Variants in ST6GALNAC3 observed in about 807,000 individuals in gnomAD.
ST6GALNAC3 encodes ST6 N-acetylgalactosaminide alpha-2,6-sialyltransferase 3.
ST6GALNAC3 carries 25 observed loss-of-function variants against 32.7 expected under a neutral mutation model. The observed-to-expected ratio is 0.76, with a 90% CI of 0.56 to 1.07. The LOEUF (loss-of-function observed/expected upper bound fraction) is 1.07, where lower values mean the gene tolerates loss of function less well. ST6GALNAC3 is among the 50% of genes least tolerant of loss of function. The pLI, the probability that ST6GALNAC3 is intolerant of heterozygous loss-of-function variation, is 0.00. For missense variants in ST6GALNAC3, 355 were observed against 382.4 expected, an observed-to-expected ratio of 0.93 and a Z score of 0.60; for synonymous variants, 129 against 133.1, an observed-to-expected ratio of 0.97 and a Z score of 0.21.
At chr1:76,076,012 A>G (rs1646811517) in intron 1 of ST6GALNAC3, among the ~76,000 whole-genome samples, 1 of 152,198 alleles carries the variant, frequency 6.6e-6, no homozygotes, top group African/African-American at 2.4e-5. Context: ...ACCTCGTAGA[A>G]GTTGTTTCCC....
At chr1:76,233,325 G>A (rs1338460430) in intron 1 of ST6GALNAC3, among the ~76,000 whole-genome samples, 1 of 152,216 alleles carries the variant, frequency 6.6e-6, no homozygotes, top group Non-Finnish European at 1.5e-5. Flanking sequence ...TGAATGGGAT[G>A]TGGATTAGCA....
At chr1:76,410,192 C>T (rs1477936861) in intron 2 of ST6GALNAC3, among the ~76,000 whole-genome samples, 1 of 152,146 alleles carries the variant, frequency 6.6e-6, no homozygotes, top group Non-Finnish European at 1.5e-5. Context: ...TGATTTCTCC[C>T]CTGCTATCTG....
intron 1 of ST6GALNAC3, among the ~76,000 whole-genome samples, chr1:76,135,091 A>C (rs1401507068): frequency 6.6e-6 from 1 of 152,140 alleles, no homozygotes; most frequent in Admixed American, 6.5e-5. Flanking sequence ...GCAGTGAGCC[A>C]AGATCGCACC....
intron 2 of ST6GALNAC3, among the ~76,000 whole-genome samples, chr1:76,359,580 T>C (rs1463438231): frequency 6.6e-6 from 1 of 152,170 alleles, no homozygotes; most frequent in Non-Finnish European, 1.5e-5. Context: ...CACATTGATC[T>C]CAAACTATAG....
chr1:76,274,146 TAAA>T (rs888506004), intron 1 of ST6GALNAC3, among the ~76,000 whole-genome samples: 2 of 152,194 alleles, frequency 1.3e-5, no homozygotes, highest in Non-Finnish European at 2.9e-5. Flanking sequence ...CTCTCAATAA[TAAA>T]AACTTCTCAA....
At chr1:76,226,911 T>C (rs967895574) in intron 1 of ST6GALNAC3, among the ~76,000 whole-genome samples, 23 of 152,290 alleles carry the variant, frequency 1.5e-4, no homozygotes, top group South Asian at 2.1e-4. Context: ...CTTTATCAAC[T>C]GGATTCCCAA....
At chr1:76,247,734 C>T (rs1046586613) in intron 1 of ST6GALNAC3, among the ~76,000 whole-genome samples, 1 of 152,096 alleles carries the variant, frequency 6.6e-6, no homozygotes, top group Non-Finnish European at 1.5e-5. Flanking sequence ...GAATTTCAAG[C>T]CAATGGTTCT....
chr1:76,290,953 C>T (rs1317459712), intron 1 of ST6GALNAC3, among the ~76,000 whole-genome samples: 1 of 152,110 alleles, frequency 6.6e-6, no homozygotes, highest in Non-Finnish European at 1.5e-5. Context: ...AAAGCAGCAC[C>T]GTGTTATCTA....
At chr1:76,531,049 G>A (rs1407562373) in intron 3 of ST6GALNAC3, among the ~76,000 whole-genome samples, 1 of 152,196 alleles carries the variant, frequency 6.6e-6, no homozygotes, top group Non-Finnish European at 1.5e-5. Flanking sequence ...TTTAGATAGA[G>A]AAAGTGAGTG....
rs567074792 is a variant in ST6GALNAC3 at position 76,183,948 on chromosome 1, A to G, written c.18+109064A>G. On this transcript the variant is annotated intron_variant, in intron 1 of 4. Coordinates refer to ENST00000328299, the MANE Select transcript of ST6GALNAC3 (RefSeq NM_152996.4). Reference sequence around the variant, plus strand: ...ATTATATATATACATATACATAAATACATAGCCCCACTTCTTCAGTCATGT... The same window carrying G: ...ATTATATATATACATATACATAAATGCATAGCCCCACTTCTTCAGTCATGT... 2.1e-4 allele frequency among the ~76,000 whole-genome samples: 31 copies of G among 150,254 alleles called. No homozygotes were observed. In the South Asian group the frequency reaches 5.7e-3, roughly 27 times the overall value.
intron 3 of ST6GALNAC3, among the ~76,000 whole-genome samples, chr1:76,478,988 C>T (rs1444805965): frequency 6.6e-6 from 1 of 152,016 alleles, no homozygotes; most frequent in Non-Finnish European, 1.5e-5. Flanking sequence ...TGGTCTCGAT[C>T]TCCTGACCTT....
rs139797861 is a variant in ST6GALNAC3, at chr1:76,576,860, G to T, written c.624-50592G>T. On this transcript the variant is annotated intron_variant, in intron 3 of 4. Coordinates refer to ENST00000328299, the MANE Select transcript of ST6GALNAC3 (RefSeq NM_152996.4). ...ATGATATCCAGTACAGAGTGACCAT[G>T]CAGTGTTGATTGATCGAACAGCAAC... 7.1e-4 allele frequency: 923 copies of T among 1,304,894 alleles called. 5 individuals carry two copies. In the African/African-American group the frequency reaches 0.012, roughly 18 times the overall value. 80.8% of individuals were successfully genotyped at this position (1,304,894 alleles called of 1,614,324 possible).
At chr1:76,385,516 CAATATCT>C (rs1652029328) in intron 2 of ST6GALNAC3, among the ~76,000 whole-genome samples, 1 of 152,056 alleles carries the variant, frequency 6.6e-6, no homozygotes, top group Admixed American at 6.6e-5. Context: ...GAGGTAATAG[CAATATCT>C]ATGTCAGAGT....
At chr1:76,161,379 G>A (rs879400348) in intron 1 of ST6GALNAC3, among the ~76,000 whole-genome samples, 2 of 152,224 alleles carry the variant, frequency 1.3e-5, no homozygotes, top group Non-Finnish European at 2.9e-5. Flanking sequence ...CGGAGGTACA[G>A]AACTGGTAAG....
chr1:76,510,152 A>G (rs184651519), intron 3 of ST6GALNAC3, among the ~76,000 whole-genome samples: 1 of 152,286 alleles, frequency 6.6e-6, no homozygotes, highest in Admixed American at 6.5e-5. Flanking sequence ...AAAGGCTTGG[A>G]TGGCATAGCT....
intron 1 of ST6GALNAC3, among the ~76,000 whole-genome samples, chr1:76,265,333 C>T (rs1419130918): frequency 1.3e-5 from 2 of 152,100 alleles, no homozygotes; most frequent in Admixed American, 6.6e-5. Context: ...CAAGGTCATG[C>T]CCTAAGCATG....
chr1:76,533,955 A>C (rs996558780), intron 3 of ST6GALNAC3, among the ~76,000 whole-genome samples: 1 of 152,184 alleles, frequency 6.6e-6, no homozygotes, highest in African/African-American at 2.4e-5. Context: ...TTGTCAAAAA[A>C]TTATTGTCAT....
At chr1:76,494,695 T>C in intron 3 of ST6GALNAC3, among the ~76,000 whole-genome samples, 1 of 132,410 alleles carries the variant, frequency 7.6e-6, no homozygotes, top group Non-Finnish European at 1.6e-5. Flanking sequence ...CCTACTTTCT[T>C]CCACTTATTA....
At chr1:76,137,005 T>G (rs1046105431) in intron 1 of ST6GALNAC3, among the ~76,000 whole-genome samples, 3 of 152,208 alleles carry the variant, frequency 2.0e-5, no homozygotes, top group Admixed American at 1.3e-4. Flanking sequence ...AGTCTTTAAA[T>G]AAGAAAGCCA....
Sources: gnomAD v4.1 joint callset for allele counts (sites outside exome capture counted in the v4.1 genomes callset) on GRCh38, gnomAD v4.1.1 for gene constraint, MANE v1.5 for transcripts, NCBI Gene and HGNC (gene_info 2026-07-23, HGNC 2026-07-21) for gene names.